The following FBN3 variants were observed in gnomAD, a reference collection of about 807,000 sequenced individuals.
FBN3 encodes the protein fibrillin-3.
A neutral mutation model predicts 330.1 loss-of-function variants in FBN3; 234 were observed. The observed-to-expected ratio is 0.71, with a 90% confidence interval of 0.64 to 0.79. The LOEUF (loss-of-function observed/expected upper bound fraction) is 0.79. FBN3 is among the 30% of genes least tolerant of loss of function. The pLI is 0.00. For synonymous variants in FBN3, 1,458 were observed against 1,517.3 expected, an observed-to-expected ratio of 0.96 and a Z score of 0.91; for missense variants, 3,606 against 3,886.9, an observed-to-expected ratio of 0.93 and a Z score of 1.92.
chr19:8,094,404 C>G lies in FBN3; in HGVS notation c.5905+42G>C, dbSNP rs1000920831. On this transcript the variant is annotated intron_variant, in intron 47 of 63. Transcript: ENST00000600128. ...CATTTTATGGATGGAGAAAGAGAGG[C>G]ACTCCCTGGCGCCAGAAACGGGAGT... is the stretch of plus-strand genomic sequence containing the variant. 3.2e-6 allele frequency: 5 copies of G among 1,574,936 alleles called. No individual in the cohort carries two copies. The East Asian group carries it at 1.1e-4, about 36-fold the overall frequency.
intron 28 of FBN3, 119 bp downstream of exon 28, chr19:8,117,050 T>G: frequency 6.9e-7 from 1 of 1,441,728 alleles, no homozygotes. Context: ...AGGCAGGGGG[T>G]GCCTCGGGTC....
chr19:8,146,409 G>A (rs115800980), intron 3 of FBN3, among the ~76,000 whole-genome samples, 184 bp from the exon 4 acceptor site: 1,856 of 152,302 alleles, frequency 0.012, 42 homozygotes, highest in African/African-American at 0.04. Context: ...GGGCTGGGCT[G>A]GGCAGGGTGT....
Position 8,134,070 on chromosome 19 carries a change from CAAA to C in FBN3, c.1592-967_1592-965del, listed in dbSNP as rs111976578. 2.1e-5 allele frequency among the ~76,000 whole-genome samples: 3 copies of C among 145,826 alleles called. No homozygotes were observed. In the South Asian group the frequency reaches 6.6e-4, roughly 32 times the overall value. ...TGAAACCCCATCTCTACTAAAAATA[CAAA>C]AAAAAAAAGAAAAAAAAAATCAGCC... On this transcript the variant is annotated intron_variant, in intron 13 of 63. Coordinates refer to ENST00000600128, the MANE Select transcript of FBN3 (RefSeq NM_032447.5).
At chr19:8,075,234 C>T (rs1204323327) in intron 60 of FBN3, 44 bp from the exon 61 acceptor site, 3 of 1,580,972 alleles carry the variant, frequency 1.9e-6, no homozygotes, top group East Asian at 4.5e-5. Context: ...AGACGGCTCT[C>T]AGGACCAACA....
intron 22 of FBN3, among the ~76,000 whole-genome samples, chr19:8,124,541 T>A (rs2082934743): frequency 2.5e-5 from 1 of 39,310 alleles, no homozygotes; most frequent in African/African-American, 2.0e-4. Flanking sequence ...CCTGGCCAAT[T>A]TTTTTTTTTT....
intron 62 of FBN3, 62 bp from the exon 63 acceptor site, chr19:8,072,260 A>G: frequency 6.9e-7 from 1 of 1,449,532 alleles, no homozygotes; most frequent in Non-Finnish European, 9.2e-7. Flanking sequence ...CTCCCCAGCC[A>G]CGCCGCTCCA....
chr19:8,106,470 C>T lies in FBN3; in HGVS notation c.4688-237G>A, dbSNP rs2082440439. Among the ~76,000 whole-genome samples the T allele has an allele frequency of 2.0e-5, 3 of 152,230 alleles. No individual in the cohort carries two copies. In the South Asian group the frequency reaches 6.2e-4, roughly 31 times the overall value. ...TGTTAGTCCATTCTCCCATCCACCA[C>T]ATAGTTTCCTCTAGATAGAGAAATA... is the stretch of plus-strand genomic sequence containing the variant. On this transcript the variant is annotated intron_variant, in intron 37 of 63. Transcript: ENST00000600128.
Position 8,117,594 on chromosome 19 carries a change from G to A in FBN3, c.3338-5C>T, listed in dbSNP as rs764276900. On this transcript the variant is annotated splice_polypyrimidine_tract_variant and splice_region_variant and intron_variant, in intron 26 of 63. Transcript: ENST00000600128. Reference sequence around the variant, plus strand: ...TCAGGGAGCACTCATCGATGTCTGTGGGGGAGTGCAGGTGAAAGACGGGCC... The same window carrying A: ...TCAGGGAGCACTCATCGATGTCTGTAGGGGAGTGCAGGTGAAAGACGGGCC... 5.9e-6 allele frequency: 9 copies of A among 1,536,686 alleles called. No individual in the cohort carries two copies. The South Asian group carries it at 7.3e-5, about 12-fold the overall frequency.
intron 63 of FBN3, among the ~76,000 whole-genome samples, chr19:8,068,528 T>A (rs573574439): frequency 9.9e-5 from 15 of 151,884 alleles, no homozygotes; most frequent in Non-Finnish European, 1.6e-4. Flanking sequence ...GAACCCCGTC[T>A]CTACAAAAAA....
rs2081781586 is a variant in FBN3, at chr19:8,081,426, G to T, written c.7268C>A (p.Thr2423Lys). The change falls in exon 58 of 64, where the codon ACG (threonine) becomes AAG (lysine). Residue 2423 changes from threonine (T) to lysine (K), a missense_variant. Thr to Lys is a moderately conservative substitution (Grantham distance 78). Transcript: ENST00000600128. ...PKPCTFLCKN[T>K]KGSFLCSCPR... ...ACAGCTGCACAGGAAACTGCCCTTCGTGTTTTTGCAGAGGAAGGTACATGG... is the reference window on the plus strand; with the variant it reads ...ACAGCTGCACAGGAAACTGCCCTTCTTGTTTTTGCAGAGGAAGGTACATGG... 2 of 1,612,602 alleles carry T rather than the reference G, an allele frequency of 1.2e-6. No homozygotes were observed. Among genetic ancestry groups the T allele is most frequent in the African/African-American group, 2.7e-5 (2 of 74,950 alleles).
chr19:8,111,914 C>T, intron 31 of FBN3, 63 bp downstream of exon 31: 2 of 536,854 alleles, frequency 3.7e-6, no homozygotes, highest in Non-Finnish European at 5.4e-6. Flanking sequence ...CCTTGCCCCC[C>T]ACCGCCTTGC....
In FBN3 at chr19:8,109,473, G is replaced by A; in HGVS notation, c.4457-85C>T. On this transcript the variant is annotated intron_variant, in intron 35 of 63. Coordinates refer to ENST00000600128, the MANE Select transcript of FBN3 (RefSeq NM_032447.5). This position sits in a 1 kb window ranked among gnomAD's most constrained non-coding sequence, Gnocchi z 5.2. ...TGCATGCATGTGTCTATTTCAACAG[G>A]TGACAAGGACAACCACTCTTGCAGG... 6.4e-7 allele frequency: 1 copy of A among 1,558,728 alleles called. No homozygotes were observed. The highest frequency in any genetic ancestry group is 8.8e-7 in the Non-Finnish European group (1 of 1,138,366).
chr19:8,072,228 T>C, intron 62 of FBN3, 30 bp from the exon 63 acceptor site: 1 of 1,498,672 alleles, frequency 6.7e-7, no homozygotes. Context: ...GTGGAGGGGT[T>C]TCAGAGGCGG....
At chr19:8,091,779 C>T (rs1457272760) in intron 47 of FBN3, among the ~76,000 whole-genome samples, 189 bp from the exon 48 acceptor site, 7 of 152,160 alleles carry the variant, frequency 4.6e-5, no homozygotes, top group Non-Finnish European at 7.3e-5. Flanking sequence ...AGGTCCTTCC[C>T]GGAAGGCATC....
intron 54 of FBN3, among the ~76,000 whole-genome samples, chr19:8,086,539 G>C (rs8103238): frequency 0.31 from 46,108 of 147,976 alleles, 7,710 homozygotes; most frequent in Middle Eastern, 0.4. Context: ...TCACTACAAC[G>C]TCCACCTCCC....
chr19:8,097,031 G>A (rs1178872775), intron 42 of FBN3, 25 bp from the exon 43 acceptor site: 1 of 1,605,534 alleles, frequency 6.2e-7, no homozygotes, highest in East Asian at 2.2e-5. Context: ...CAAATGAGGT[G>A]GGGGTGACAG....
intron 61 of FBN3, 27 bp downstream of exon 61, chr19:8,075,044 A>C: frequency 6.3e-7 from 1 of 1,596,210 alleles, no homozygotes; most frequent in East Asian, 2.2e-5. Flanking sequence ...TGGAGGGCCC[A>C]GCTTCTTCCC....
At chr19:8,107,590 T>C (rs56145610) in intron 37 of FBN3, among the ~76,000 whole-genome samples, 16,756 of 143,840 alleles carry the variant, frequency 0.12, 996 homozygotes, top group Middle Eastern at 0.18. Flanking sequence ...GATGGAGGGA[T>C]GAATGGACAG....
intron 30 of FBN3, among the ~76,000 whole-genome samples, chr19:8,113,841 C>CAA (rs34470005): frequency 0.094 from 11,108 of 117,718 alleles, 677 homozygotes; most frequent in Middle Eastern, 0.13. Context: ...ACTATCTCTA[C>CAA]AAAAAAAAAA....
Sources: allele counts gnomAD v4.1 joint callset (sites outside exome capture counted in the v4.1 genomes callset), GRCh38; gene constraint gnomAD v4.1.1; non-coding constraint Gnocchi (gnomAD v3.1); transcripts MANE v1.5; gene names NCBI Gene and HGNC (gene_info 2026-07-23, HGNC 2026-07-21).